The following LNX1 variants were observed in gnomAD, a reference collection of about 807,000 sequenced individuals.
LNX1 encodes the protein ligand of numb-protein X 1.
In LNX1, 54 loss-of-function variants were observed where a neutral mutation model predicts 68.4. The ratio of observed to expected loss-of-function variants is 0.79; its 90% CI spans 0.63 to 0.99. The LOEUF (loss-of-function observed/expected upper bound fraction) is 0.99. LNX1 is among the 50% of genes least tolerant of loss of function. The pLI is 0.00. For missense variants in LNX1, 906 were observed against 926.4 expected (o/e 0.98, Z 0.29); for synonymous variants, 336 against 350.0 (o/e 0.96, Z 0.45).
chr4:53,585,414 G>A (rs939942870), intron 1 of LNX1, among the ~76,000 whole-genome samples: 1 of 152,156 alleles, frequency 6.6e-6, no homozygotes, highest in Admixed American at 6.5e-5. Context: ...TTGTGTATAT[G>A]GTTGTCAGCT....
upstream of LNX1, among the ~76,000 whole-genome samples, chr4:53,618,463 G>T (rs185989832): frequency 8.5e-5 from 13 of 152,272 alleles, no homozygotes; most frequent in East Asian, 2.1e-3. Context: ...TCTACTCAAA[G>T]AACAAAAACT....
chr4:53,636,179 C>CAT (rs1734466612), intron 1 of LNX1, among the ~76,000 whole-genome samples: 1 of 85,226 alleles, frequency 1.2e-5, no homozygotes. Context: ...TCTATTACTC[C>CAT]TTTTTTTTTT....
chr4:53,587,337 C>A lies in LNX1; in HGVS notation c.-87+4051G>T, dbSNP rs1179597906. 2.0e-5 allele frequency among the ~76,000 whole-genome samples: 3 copies of A among 152,194 alleles called. No individual in the cohort carries two copies. In the East Asian group the frequency reaches 5.8e-4, roughly 29 times the overall value. ...GGTTTTTTTATGGTTTTCATGTCAA[C>A]CCTATTCTTTGGGGATAGTTAATGA... On this transcript the variant is annotated intron_variant, in intron 1 of 10. Transcript: ENST00000263925.
At chr4:53,478,317 T>A (rs1023166485) in intron 8 of LNX1, among the ~76,000 whole-genome samples, 1 of 152,090 alleles carries the variant, frequency 6.6e-6, no homozygotes, top group African/African-American at 2.4e-5. Flanking sequence ...ACTGTAGCAG[T>A]TCTCTATTAA....
chr4:53,637,507 CATTTCACATGTT>C (rs1734525690), intron 1 of LNX1, among the ~76,000 whole-genome samples: 1 of 152,130 alleles, frequency 6.6e-6, no homozygotes, highest in South Asian at 2.1e-4. Context: ...CTACACCTGT[CATTTCACATGTT>C]ATTTACTTTT....
intron 2 of LNX1, among the ~76,000 whole-genome samples, chr4:53,509,738 C>A (rs1467536924): frequency 6.6e-6 from 1 of 152,168 alleles, no homozygotes. Flanking sequence ...CTAAGATGCT[C>A]TTTTCATGCT....
At chr4:53,501,451 C>A (rs1560630672) in intron 4 of LNX1, among the ~76,000 whole-genome samples, 1 of 151,930 alleles carries the variant, frequency 6.6e-6, no homozygotes, top group Non-Finnish European at 1.5e-5. Flanking sequence ...CCATGTCCCA[C>A]TAATTTCATT....
At position 53,573,519 on chromosome 4, in the gene LNX1, T is replaced by C. The variant is rs919929506; in HGVS notation, c.380+104A>G. On this transcript the variant is annotated intron_variant, in intron 2 of 10. Transcript: ENST00000263925. ...CACCTAGCTGTTTTTTTATTTTGAA[T>C]GGATCATTTCATTGGTTGGAAGCCC... is the stretch of plus-strand genomic sequence containing the variant. 2.8e-5 allele frequency: 20 copies of C among 701,984 alleles called. No individual in the cohort carries two copies. In the Admixed American group the frequency reaches 4.3e-4, roughly 15 times the overall value. The allele number at this position is 701,984 out of a possible 1,614,324, so 43.5% of individuals were successfully genotyped here.
At chr4:53,576,187 G>A (rs1731479180) in intron 1 of LNX1, 2 of 1,582,426 alleles carry the variant, frequency 1.3e-6, no homozygotes, top group African/African-American at 1.3e-5. Flanking sequence ...TCAGTGGTGG[G>A]TGGATGTGAC....
intron 6 of LNX1, among the ~76,000 whole-genome samples, chr4:53,488,865 G>A (rs1163981332): frequency 2.0e-5 from 3 of 152,106 alleles, no homozygotes; most frequent in African/African-American, 7.2e-5. Context: ...CGGTTGATAT[G>A]TCAGTGTATT....
intron 4 of LNX1, among the ~76,000 whole-genome samples, chr4:53,502,881 T>C (rs1725603505): frequency 6.6e-6 from 1 of 152,164 alleles, no homozygotes; most frequent in Non-Finnish European, 1.5e-5. Flanking sequence ...CCGTAAGAAA[T>C]GCCTCTACAC....
In LNX1 at chr4:53,626,881, A is replaced by T. The variant is rs572483462; in HGVS notation, c.-215+25287T>A. Among the ~76,000 whole-genome samples the T allele has an allele frequency of 3.3e-5, 5 of 152,352 alleles. No individual in the cohort carries two copies. In the South Asian group the frequency reaches 1.0e-3, roughly 32 times the overall value. ...ACACCATGCACCCATCTGTGCCAACAGTCTGAAATGGAAATTGAAGCTAGA... is the reference window on the plus strand; with the variant it reads ...ACACCATGCACCCATCTGTGCCAACTGTCTGAAATGGAAATTGAAGCTAGA... On this transcript the variant is annotated intron_variant, in intron 1 of 2. Coordinates refer to the LNX1 transcript ENST00000507168.
chr4:53,550,305 C>G (rs1382186954), intron 2 of LNX1, among the ~76,000 whole-genome samples: 2 of 152,206 alleles, frequency 1.3e-5, no homozygotes, highest in Non-Finnish European at 2.9e-5. Flanking sequence ...TGCCCCAAGA[C>G]TGGATCTTGT....
At chr4:53,628,682 T>C (rs1180077744) in intron 1 of LNX1, among the ~76,000 whole-genome samples, 2 of 152,186 alleles carry the variant, frequency 1.3e-5, no homozygotes, top group Non-Finnish European at 2.9e-5. Context: ...ACTTGTATGT[T>C]TACAGCAGCA....
intron 9 of LNX1, among the ~76,000 whole-genome samples, chr4:53,463,259 C>G (rs1722329608): frequency 6.6e-6 from 1 of 152,022 alleles, no homozygotes; most frequent in Admixed American, 6.5e-5. Context: ...GAGAACATAA[C>G]TGCTTTGATC....
chr4:53,485,130 C>T (rs1337398986), intron 6 of LNX1, among the ~76,000 whole-genome samples: 1 of 152,200 alleles, frequency 6.6e-6, no homozygotes, highest in African/African-American at 2.4e-5. Context: ...TTTCTTTGTA[C>T]TATAAGCCTC....
chr4:53,588,729 G>T (rs1298497830), intron 1 of LNX1, among the ~76,000 whole-genome samples: 2 of 152,114 alleles, frequency 1.3e-5, no homozygotes, highest in Admixed American at 6.6e-5. Flanking sequence ...GGGGGTTGAG[G>T]TTCTCCCTTA....
chr4:53,631,121 G>A (rs1577813465), intron 1 of LNX1, among the ~76,000 whole-genome samples: 1 of 152,154 alleles, frequency 6.6e-6, no homozygotes, highest in African/African-American at 2.4e-5. Flanking sequence ...GGAGGAAGTC[G>A]CCCATGGAGT....
At chr4:53,502,930 A>G (rs1725606669) in intron 4 of LNX1, among the ~76,000 whole-genome samples, 1 of 76,742 alleles carries the variant, frequency 1.3e-5, no homozygotes, top group African/African-American at 4.8e-5. Context: ...CAATTTGGTC[A>G]TATCTTTTTT....
Sources: gnomAD v4.1 joint callset for allele counts (sites outside exome capture counted in the v4.1 genomes callset) on GRCh38, gnomAD v4.1.1 for gene constraint, MANE v1.5 for transcripts, NCBI Gene and HGNC (gene_info 2026-07-23, HGNC 2026-07-21) for gene names.